The following NOP16 variants were observed in gnomAD, a reference collection of about 807,000 sequenced individuals.
NOP16 encodes the protein nucleolar protein 16.
Under a neutral mutation model 22.7 loss-of-function variants are expected in NOP16, and 14 were observed. The observed-to-expected ratio is 0.62, with a 90% CI of 0.41 to 0.97. The LOEUF (loss-of-function observed/expected upper bound fraction) is 0.97. NOP16 is among the 50% of genes least tolerant of loss of function. The pLI, the probability that NOP16 is intolerant of heterozygous loss-of-function variation, is 0.00. For synonymous variants in NOP16, 80 were observed against 83.6 expected (o/e 0.96, Z 0.23); for missense variants, 198 against 235.9 (o/e 0.84, Z 1.05).
intron 2 of NOP16, 125 bp downstream of exon 2, chr5:176,388,110 T>C: frequency 2.9e-6 from 2 of 678,266 alleles, no homozygotes; most frequent in Non-Finnish European, 5.1e-6. Context: ...GTTCTGACTG[T>C]GGGGAGGTCG....
intron 2 of NOP16, among the ~76,000 whole-genome samples, chr5:176,387,119 T>G (rs1755920321): frequency 1.3e-5 from 2 of 152,224 alleles, no homozygotes; most frequent in Non-Finnish European, 1.5e-5. Context: ...AGTCTCATTC[T>G]GTTGCCCAGG....
In NOP16 at chr5:176,388,178, C is replaced by T. The variant is rs1367487420; in HGVS notation, c.216+57G>A. 6.1e-6 allele frequency: 8 copies of T among 1,311,858 alleles called. No homozygotes were observed. In the South Asian group the frequency reaches 8.6e-5, roughly 14 times the overall value. The allele number at this position is 1,311,858 out of a possible 1,614,324, so 81.3% of individuals were successfully genotyped here. On this transcript the variant is annotated intron_variant, in intron 2 of 4. Transcript: ENST00000614830. ...CAGTACCACGTTCTGACACCTAGGT[C>T]AGTATGGCGGGGGAAGAGTAAAGAA...
rs922936509 is a variant in NOP16 at position 176,387,081 on chromosome 5, T to G, written c.217-172A>C. ...GAGGCTTTTTCTCTCTCTCTCTCTT[T>G]TTTTTTTTCTTTTTCTTTTTGAGAC... On this transcript the variant is annotated intron_variant, in intron 2 of 4. Transcript: ENST00000614830. 1.0e-4 allele frequency: 60 copies of G among 584,502 alleles called. No individual in the cohort carries two copies. The Admixed American group carries it at 1.8e-3, about 18-fold the overall frequency. 36.2% of individuals were successfully genotyped at this position (584,502 alleles called of 1,614,324 possible).
At chr5:176,386,680 C>T (rs758962570) in intron 3 of NOP16, 160 bp downstream of exon 3, 2 of 727,788 alleles carry the variant, frequency 2.7e-6, no homozygotes, top group Non-Finnish European at 5.0e-6. Context: ...GAAAAATGAG[C>T]CAGCCAGGAC....
At position 176,386,871 on chromosome 5, in the gene NOP16, T is replaced by G. The variant is rs1755884561; in HGVS notation, c.255A>C (p.Lys85Asn). 2 of 1,614,114 alleles carry G rather than the reference T, an allele frequency of 1.2e-6. No homozygotes were observed. Residue 85 changes from lysine (K) to asparagine (N), a missense_variant, in exon 3 of 5, where the codon AAA becomes AAC. Coordinates refer to ENST00000614830, the MANE Select transcript of NOP16 (RefSeq NM_016391.8). ...GCACATAGGGCTTCCGTACAAGCTCTTTAGGCCTCTCCTCTATGTCCACCT... is the reference window on the plus strand; with the variant it reads ...GCACATAGGGCTTCCGTACAAGCTCGTTAGGCCTCTCCTCTATGTCCACCT... ...AMEVDIEERP[K>N]ELVRKPYVLN...
intron 2 of NOP16, among the ~76,000 whole-genome samples, chr5:176,387,323 G>A (rs984752189): frequency 1.3e-5 from 2 of 152,168 alleles, no homozygotes; most frequent in African/African-American, 2.4e-5. Flanking sequence ...CAAGTAATCC[G>A]TCTGTGCCTT....
intron 2 of NOP16, 80 bp from the exon 3 acceptor site, chr5:176,386,989 T>G (rs778391150): frequency 8.1e-7 from 1 of 1,229,128 alleles, no homozygotes; most frequent in Admixed American, 1.7e-5. Context: ...CCAACACAAC[T>G]ACTAACCCAT....
intron 3 of NOP16, among the ~76,000 whole-genome samples, 191 bp from the exon 4 acceptor site, chr5:176,385,518 T>A (rs1755772842): frequency 6.6e-6 from 1 of 152,144 alleles, no homozygotes; most frequent in South Asian, 2.1e-4. Flanking sequence ...CCAGACTCTG[T>A]CTCCTATGAC....
At position 176,384,517 on chromosome 5, in the gene NOP16, T is replaced by G. The variant is rs898827641; in HGVS notation, c.394-143A>C. On this transcript the variant is annotated intron_variant, in intron 4 of 4. Transcript: ENST00000614830. ...AAAGGCTGTGGTGCACCGGGCACAG[T>G]GGCTCATGCCTGTAATCCCAACACT... 6 of 784,400 alleles carry G rather than the reference T, an allele frequency of 7.6e-6. No homozygotes were observed. In the Admixed American group the frequency reaches 1.4e-4, roughly 18 times the overall value. The allele number at this position is 784,400 out of a possible 1,614,324, so 48.6% of individuals were successfully genotyped here.
Position 176,387,057 on chromosome 5 carries a change from A to C in NOP16, c.217-148T>G. On this transcript the variant is annotated intron_variant, in intron 2 of 4. Coordinates refer to ENST00000614830, the MANE Select transcript of NOP16 (RefSeq NM_016391.8). Reference sequence around the variant, plus strand: ...GTAACAATGAGAACTAATGCCCTGGAGGCTTTTTCTCTCTCTCTCTCTTTT... The same window carrying C: ...GTAACAATGAGAACTAATGCCCTGGCGGCTTTTTCTCTCTCTCTCTCTTTT... 3 of 632,278 alleles carry C rather than the reference A, an allele frequency of 4.7e-6. No individual in the cohort carries two copies. The South Asian group carries it at 5.8e-5, about 12-fold the overall frequency. 39.2% of individuals were successfully genotyped at this position (632,278 alleles called of 1,614,324 possible). A position where few individuals can be genotyped will look rare whatever the true frequency, so the allele number is the denominator to read the frequency against.
In NOP16 at chr5:176,388,581, G is replaced by C. The variant is rs747199026; in HGVS notation, c.-42C>G. On this transcript the variant is annotated 5_prime_UTR_variant, in exon 1 of 5. Transcript: ENST00000614830. ...CCAGCAGCTCAAACACGCTGCCTCTGTCTCTCAGACCTCGTGTAACAAACT... is the reference window on the plus strand; with the variant it reads ...CCAGCAGCTCAAACACGCTGCCTCTCTCTCTCAGACCTCGTGTAACAAACT... The C allele has an allele frequency of 2.6e-6, 4 of 1,554,786 alleles. No individual in the cohort carries two copies. Among genetic ancestry groups the C allele is most frequent in the Admixed American group, 3.4e-5 (2 of 59,228 alleles).
In NOP16 at chr5:176,388,597, G is replaced by A; in HGVS notation, c.-58C>T. The stretch of plus-strand genomic sequence containing the variant: ...GCTGCCTCTGTCTCTCAGACCTCGT[G>A]TAACAAACTCCTTCCGGAAGGCGTG... On this transcript the variant is annotated 5_prime_UTR_variant, in exon 1 of 5. Transcript: ENST00000614830. The A allele has an allele frequency of 1.3e-6, 2 of 1,498,896 alleles. No individual in the cohort carries two copies. The highest frequency in any genetic ancestry group is 1.2e-5 in the South Asian group (1 of 85,546). 92.8% of individuals were successfully genotyped at this position (1,498,896 alleles called of 1,614,324 possible).
chr5:176,384,435 A>T, intron 4 of NOP16, 61 bp from the exon 5 acceptor site: 1 of 1,527,924 alleles, frequency 6.5e-7, no homozygotes, highest in Non-Finnish European at 8.9e-7. Context: ...ATCTGAACTC[A>T]TCCTGAATTA....
chr5:176,385,167 C>T (rs757138154), intron 4 of NOP16, 54 bp downstream of exon 4: 9 of 982,918 alleles, frequency 9.2e-6, no homozygotes, highest in Middle Eastern at 2.2e-4. Context: ...CAGATCAAGC[C>T]GCGAATGGTC....
rs756633514 is a variant in NOP16 at position 176,383,970 on chromosome 5, A to G, written c.*261T>C. On this transcript the variant is annotated 3_prime_UTR_variant, in exon 5 of 5. Coordinates refer to ENST00000614830, the MANE Select transcript of NOP16 (RefSeq NM_016391.8). ...GTAAAATATATTTGCTTTATTATGT[A>G]CACACTATATTTACATCACCCACCC... The G allele has an allele frequency of 7.2e-6, 11 of 1,526,044 alleles. No homozygotes were observed. The highest frequency in any genetic ancestry group is 9.6e-6 in the Non-Finnish European group (11 of 1,143,476). 94.5% of individuals were successfully genotyped at this position (1,526,044 alleles called of 1,614,324 possible).
chr5:176,384,560 G>A (rs749411804), intron 4 of NOP16, 186 bp from the exon 5 acceptor site: 4 of 617,192 alleles, frequency 6.5e-6, no homozygotes, highest in Non-Finnish European at 1.1e-5. Context: ...GCCGAGGTGG[G>A]AGGATCTCTT....
At chr5:176,388,146 G>T in intron 2 of NOP16, 89 bp downstream of exon 2, 1 of 970,790 alleles carries the variant, frequency 1.0e-6, no homozygotes, top group Non-Finnish European at 1.6e-6. Context: ...CTGAGGGAAG[G>T]AATGGGCAGT....
At chr5:176,386,947 T>C (rs767852016) in intron 2 of NOP16, 38 bp from the exon 3 acceptor site, 2 of 1,577,410 alleles carry the variant, frequency 1.3e-6, no homozygotes, top group Admixed American at 3.3e-5. Flanking sequence ...GAAGGATCTT[T>C]GATGAGGGAA....
chr5:176,387,765 G>A (rs1210782973), intron 2 of NOP16, among the ~76,000 whole-genome samples: 1 of 152,184 alleles, frequency 6.6e-6, no homozygotes, highest in Non-Finnish European at 1.5e-5. Context: ...AGCCGGGTAT[G>A]GTGGCACACG....
Sources: allele counts gnomAD v4.1 joint callset (sites outside exome capture counted in the v4.1 genomes callset), GRCh38; gene constraint gnomAD v4.1.1; transcripts MANE v1.5; gene names NCBI Gene and HGNC (gene_info 2026-07-23, HGNC 2026-07-21).